The following MOXD1 variants were observed in gnomAD, a reference collection of about 807,000 sequenced individuals.
MOXD1 encodes DBH-like monooxygenase protein 1.
A neutral mutation model predicts 66.6 loss-of-function variants in MOXD1; 62 were observed. The observed-to-expected ratio is 0.93, with a 90% CI of 0.76 to 1.15. The LOEUF (loss-of-function observed/expected upper bound fraction) is 1.15, where lower values mean the gene tolerates loss of function less well. Among genes scored for constraint, MOXD1 ranks in the 50% most tolerant of loss-of-function variants. The pLI is 0.00. For missense variants in MOXD1, 847 were observed against 754.6 expected, an observed-to-expected ratio of 1.12 and a Z score of -1.44; for synonymous variants, 303 against 281.9, an observed-to-expected ratio of 1.07 and a Z score of -0.75.
At chr6:132,373,094 G>T in intron 2 of MOXD1, 97 bp from the exon 3 acceptor site, 1 of 1,169,568 alleles carries the variant, frequency 8.6e-7, no homozygotes, top group Non-Finnish European at 1.2e-6. Context: ...AGATATAGAA[G>T]TGAAGAAAAG....
chr6:132,322,694 T>C lies in MOXD1; in HGVS notation c.1290A>G (p.Glu430=). 1 of 1,613,670 alleles carries C rather than the reference T, an allele frequency of 6.2e-7. No homozygotes were observed. Among genetic ancestry groups the C allele is most frequent in the Middle Eastern group, 1.7e-4 (1 of 6,058 alleles). The stretch of plus-strand genomic sequence containing the variant: ...ACATGCATACTGGTAAGATTGTTTG[T>C]TCTTCCTTTAGATACTGAAACTCCT... The part of the protein sequence containing the change: ...NFQEFQYLKE[E]QTILPGDNLI... Residue 430 remains glutamate (E), a synonymous_variant, in exon 8 of 12, where the codon GAA becomes GAG. Coordinates refer to ENST00000367963, the MANE Select transcript of MOXD1 (RefSeq NM_015529.4).
chr6:132,382,293 T>A (rs1229894541), intron 1 of MOXD1, among the ~76,000 whole-genome samples: 1 of 152,114 alleles, frequency 6.6e-6, no homozygotes, highest in East Asian at 1.9e-4. Context: ...AAAAAGTAGA[T>A]GTTTTTTAAA....
chr6:132,327,457 C>T lies in MOXD1; in HGVS notation c.946+556G>A, dbSNP rs17061188. On this transcript the variant is annotated intron_variant, in intron 6 of 11. Transcript: ENST00000367963. ...TTGGAGTTACTTCTGTTGATAATTTCGTGTTAAATCTATCAATGTTAGGAT... is the reference window on the plus strand; with the variant it reads ...TTGGAGTTACTTCTGTTGATAATTTTGTGTTAAATCTATCAATGTTAGGAT... Among the ~76,000 whole-genome samples, 748 of 152,198 alleles carry T rather than the reference C, an allele frequency of 4.9e-3. 8 individuals carry two copies. The highest frequency in any genetic ancestry group is 0.017 in the African/African-American group (697 of 41,520).
intron 1 of MOXD1, among the ~76,000 whole-genome samples, chr6:132,394,624 A>G (rs900655341): frequency 2.4e-5 from 2 of 82,690 alleles, no homozygotes; most frequent in Admixed American, 2.2e-4. Context: ...GATGTCATAA[A>G]AAAAGAGACC....
rs150866069 is a variant in MOXD1 at position 132,332,793 on chromosome 6, C to G, written c.664-4199G>C. ...CTGCTCCCACAACAAGTTCTACAAA[C>G]ATTTTAAGCAGTCAACAAACTTGTG... On this transcript the variant is annotated intron_variant, in intron 4 of 11. Transcript: ENST00000367963. Among the ~76,000 whole-genome samples, 4 of 152,330 alleles carry G rather than the reference C, an allele frequency of 2.6e-5. No homozygotes were observed. The East Asian group carries it at 7.7e-4, about 29-fold the overall frequency.
At chr6:132,375,464 G>C (rs975628127) in intron 1 of MOXD1, among the ~76,000 whole-genome samples, 2 of 151,978 alleles carry the variant, frequency 1.3e-5, no homozygotes, top group African/African-American at 2.4e-5. Context: ...TGGCTCTGTC[G>C]CCCAGGCTGG....
At chr6:132,350,717 TAC>T (rs1462610321) in intron 4 of MOXD1, among the ~76,000 whole-genome samples, 4 of 152,220 alleles carry the variant, frequency 2.6e-5, no homozygotes, top group Non-Finnish European at 5.9e-5. Context: ...CTTTTGACAG[TAC>T]AGTCATTTTC....
chr6:132,372,496 A>T (rs1181698315), intron 4 of MOXD1, 112 bp downstream of exon 4: 1 of 1,005,808 alleles, frequency 9.9e-7, no homozygotes, highest in Non-Finnish European at 1.5e-6. Context: ...TCTCTAAAAA[A>T]CTTTCAAATA....
At chr6:132,308,685 C>A (rs1774752455) in intron 10 of MOXD1, among the ~76,000 whole-genome samples, 3 of 152,190 alleles carry the variant, frequency 2.0e-5, no homozygotes, top group Admixed American at 1.3e-4. Context: ...ATCAAGTCGG[C>A]TTCATCCCTG....
chr6:132,314,595 A>T (rs1456543700), intron 10 of MOXD1, among the ~76,000 whole-genome samples: 1 of 151,880 alleles, frequency 6.6e-6, no homozygotes, highest in Non-Finnish European at 1.5e-5. Flanking sequence ...CTCCACAAAC[A>T]CGGTAGGTTC....
At chr6:132,374,541 T>G (rs538521712) in intron 2 of MOXD1, 90 bp downstream of exon 2, 2 of 1,102,774 alleles carry the variant, frequency 1.8e-6, no homozygotes, top group Non-Finnish European at 1.2e-6. Context: ...GAAAAAAGAC[T>G]ATATGACTTG....
intron 1 of MOXD1, among the ~76,000 whole-genome samples, chr6:132,388,339 C>G (rs1489240520): frequency 6.6e-6 from 1 of 151,416 alleles, no homozygotes; most frequent in African/African-American, 2.4e-5. Context: ...TTGCCAAGGG[C>G]CACACAATGA....
chr6:132,356,489 T>C (rs964819700), intron 4 of MOXD1, among the ~76,000 whole-genome samples: 16 of 152,218 alleles, frequency 1.1e-4, no homozygotes, highest in East Asian at 9.6e-4. Context: ...TTGAAATACA[T>C]GTAATCTTGA....
At chr6:132,384,997 A>C (rs1776597001) in intron 1 of MOXD1, among the ~76,000 whole-genome samples, 2 of 152,184 alleles carry the variant, frequency 1.3e-5, no homozygotes, top group African/African-American at 4.8e-5. Flanking sequence ...TTCAAGCTTG[A>C]GTGGTAGTAT....
At chr6:132,355,091 A>T (rs1279784277) in intron 4 of MOXD1, among the ~76,000 whole-genome samples, 1 of 152,130 alleles carries the variant, frequency 6.6e-6, no homozygotes, top group African/African-American at 2.4e-5. Flanking sequence ...GGTGCAGAAG[A>T]AAAAGGATTT....
intron 8 of MOXD1, 58 bp from the exon 9 acceptor site, chr6:132,320,746 A>T: frequency 7.1e-7 from 1 of 1,408,200 alleles, no homozygotes. Flanking sequence ...TATTTATCAA[A>T]TACATTTGTA....
chr6:132,368,578 A>G (rs1335540459), intron 4 of MOXD1, among the ~76,000 whole-genome samples: 2 of 152,100 alleles, frequency 1.3e-5, no homozygotes, highest in East Asian at 3.9e-4. Flanking sequence ...TTTTCTAGAG[A>G]TAAAATCATT....
chr6:132,345,324 G>C (rs1349212715), intron 4 of MOXD1, among the ~76,000 whole-genome samples: 1 of 151,976 alleles, frequency 6.6e-6, no homozygotes, highest in African/African-American at 2.4e-5. Flanking sequence ...GAGGAATAAT[G>C]GTCTGTAGGT....
At chr6:132,372,003 T>G (rs1776271033) in intron 4 of MOXD1, among the ~76,000 whole-genome samples, 1 of 152,204 alleles carries the variant, frequency 6.6e-6, no homozygotes. Flanking sequence ...GACTTGTAAC[T>G]TTTTAAAAAT....
Sources: allele counts gnomAD v4.1 joint callset (sites outside exome capture counted in the v4.1 genomes callset), GRCh38; gene constraint gnomAD v4.1.1; transcripts MANE v1.5; gene names NCBI Gene and HGNC (gene_info 2026-07-23, HGNC 2026-07-21).